EPHB1: variants seen among roughly 807,000 people sequenced by gnomAD.
The protein encoded by EPHB1 is ephrin type-B receptor 1.
Under a neutral mutation model 94.4 loss-of-function variants are expected in EPHB1, and 30 were observed. That is an observed-to-expected ratio of 0.32 (90% confidence interval 0.24 to 0.43). The LOEUF (loss-of-function observed/expected upper bound fraction) is 0.43. Ranked by LOEUF, EPHB1 falls within the 20% of genes least tolerant of loss-of-function variation. EPHB1 has a pLI of 1.00. For missense variants in EPHB1, 1,055 were observed against 1,308.3 expected (o/e 0.81, Z 2.99); for synonymous variants, 522 against 489.1 (o/e 1.07, Z -0.89).
intron 3 of EPHB1, among the ~76,000 whole-genome samples, chr3:134,955,879 G>A (rs1933249753): frequency 6.6e-6 from 1 of 152,202 alleles, no homozygotes; most frequent in African/African-American, 2.4e-5. Flanking sequence ...TGCTCATAGT[G>A]TAGAGGATTA....
At chr3:135,107,391 T>C (rs1319160762) in intron 4 of EPHB1, among the ~76,000 whole-genome samples, 1 of 151,990 alleles carries the variant, frequency 6.6e-6, no homozygotes, top group Non-Finnish European at 1.5e-5. Flanking sequence ...CAATCACTAC[T>C]GTCCCTGCAC....
intron 12 of EPHB1, among the ~76,000 whole-genome samples, chr3:135,209,642 C>T (rs1452672222): frequency 6.6e-6 from 1 of 152,156 alleles, no homozygotes; most frequent in Non-Finnish European, 1.5e-5. Context: ...GGGCATGATA[C>T]TGGGTATACC....
chr3:135,212,393 T>C (rs1319581711), intron 12 of EPHB1, among the ~76,000 whole-genome samples: 1 of 152,172 alleles, frequency 6.6e-6, no homozygotes, highest in Non-Finnish European at 1.5e-5. Context: ...AACATGAACG[T>C]TATGATGTGG....
At chr3:135,209,551 T>A (rs762148275) in intron 12 of EPHB1, among the ~76,000 whole-genome samples, 2 of 152,206 alleles carry the variant, frequency 1.3e-5, no homozygotes, top group African/African-American at 2.4e-5. Context: ...AGGTACATTC[T>A]ATTGAATGTG....
intron 13 of EPHB1, 100 bp downstream of exon 13, chr3:135,241,397 A>T: frequency 6.9e-7 from 1 of 1,452,532 alleles, no homozygotes; most frequent in Non-Finnish European, 9.5e-7. Context: ...CGGCCTCATA[A>T]TCTGAACCTG....
intron 12 of EPHB1, among the ~76,000 whole-genome samples, chr3:135,237,694 T>C (rs1311128147): frequency 2.0e-5 from 3 of 152,214 alleles, no homozygotes; most frequent in African/African-American, 7.2e-5. Context: ...TCCGTATGAA[T>C]GCAGATTCCT....
At chr3:134,818,108 C>T (rs2036304312) in intron 1 of EPHB1, among the ~76,000 whole-genome samples, 2 of 152,206 alleles carry the variant, frequency 1.3e-5, no homozygotes. Context: ...GAAGGCATGT[C>T]CAGGTACTGG....
intron 12 of EPHB1, among the ~76,000 whole-genome samples, chr3:135,228,717 G>C (rs1943460842): frequency 1.3e-5 from 2 of 152,048 alleles, no homozygotes; most frequent in South Asian, 4.2e-4. Context: ...AGCTCACTGA[G>C]AGTCGGGCAG....
intron 12 of EPHB1, among the ~76,000 whole-genome samples, chr3:135,212,193 T>G (rs1261223396): frequency 2.0e-5 from 3 of 152,222 alleles, no homozygotes; most frequent in Non-Finnish European, 4.4e-5. Context: ...TCTCAGCTGA[T>G]ATTTTATCTT....
At chr3:135,100,165 A>G (rs1576383737) in intron 3 of EPHB1, among the ~76,000 whole-genome samples, 1 of 152,172 alleles carries the variant, frequency 6.6e-6, no homozygotes, top group African/African-American at 2.4e-5. Flanking sequence ...TTTAAAATGC[A>G]AGGAGAGACT....
chr3:135,021,891 T>A (rs925402595), intron 3 of EPHB1, among the ~76,000 whole-genome samples: 1 of 152,266 alleles, frequency 6.6e-6, no homozygotes, highest in Non-Finnish European at 1.5e-5. Context: ...GTTGATCAAC[T>A]GACATGAAAT....
intron 12 of EPHB1, among the ~76,000 whole-genome samples, chr3:135,210,429 C>T (rs1453866075): frequency 6.6e-6 from 1 of 152,054 alleles, no homozygotes; most frequent in Non-Finnish European, 1.5e-5. Context: ...CGTTGGCATA[C>T]AAACAGAAAC....
intron 1 of EPHB1, among the ~76,000 whole-genome samples, chr3:134,891,368 C>A (rs752078311): frequency 6.6e-6 from 1 of 152,186 alleles, no homozygotes; most frequent in Non-Finnish European, 1.5e-5. Flanking sequence ...CCTTGGCCTC[C>A]CAAAGTGCTG....
Position 135,238,292 on chromosome 3 carries a change from C to T in EPHB1, c.2347-2856C>T, listed in dbSNP as rs113494691. On this transcript the variant is annotated intron_variant, in intron 12 of 15. Transcript: ENST00000398015. ...GAGCAGGAGAGCCTGCCATGACAAG[C>T]TGTCACCTGCCTGTCCAGGGGCTCT... Among the ~76,000 whole-genome samples the T allele has an allele frequency of 2.0e-5, 3 of 152,328 alleles. 1 individual carries two copies. The highest frequency in any genetic ancestry group is 7.2e-5 in the African/African-American group (3 of 41,578).
chr3:135,259,818 A>G lies in EPHB1; in HGVS notation c.*698A>G, dbSNP rs980982840. 4.5e-6 allele frequency: 1 copy of G among 221,110 alleles called. No homozygotes were observed. Among genetic ancestry groups the G allele is most frequent in the African/African-American group, 2.2e-5 (1 of 44,656 alleles). 13.7% of individuals were successfully genotyped at this position (221,110 alleles called of 1,614,324 possible). ...AAGAAACCACAAATTGGGGAAAAAA[A>G]AAGAAGAAAAACCTGTTTCCGTGTG... On this transcript the variant is annotated 3_prime_UTR_variant, in exon 16 of 16. Coordinates refer to ENST00000398015, the MANE Select transcript of EPHB1 (RefSeq NM_004441.5).
intron 1 of EPHB1, among the ~76,000 whole-genome samples, chr3:134,884,073 G>A (rs754435924): frequency 2.6e-5 from 4 of 152,210 alleles, no homozygotes; most frequent in Non-Finnish European, 5.9e-5. Context: ...AGAGCTGTGT[G>A]CCCTGCCCCA....
chr3:135,192,523 G>T, intron 10 of EPHB1, 53 bp from the exon 11 acceptor site: 1 of 1,590,638 alleles, frequency 6.3e-7, no homozygotes, highest in South Asian at 1.1e-5. Flanking sequence ...CTTCCCTCTT[G>T]AGTCCACAGA....
chr3:134,907,506 T>C (rs933571352), intron 1 of EPHB1, among the ~76,000 whole-genome samples: 1 of 152,240 alleles, frequency 6.6e-6, no homozygotes, highest in Non-Finnish European at 1.5e-5. Context: ...CGTGTCATTT[T>C]GCTGAGATGC....
intron 5 of EPHB1, among the ~76,000 whole-genome samples, chr3:135,142,940 C>T (rs1228677849): frequency 6.6e-6 from 1 of 151,968 alleles, no homozygotes; most frequent in Non-Finnish European, 1.5e-5. Flanking sequence ...CAGGAGATGG[C>T]GAGTGATGGT....
Sources: allele counts gnomAD v4.1 joint callset (sites outside exome capture counted in the v4.1 genomes callset), GRCh38; gene constraint gnomAD v4.1.1; transcripts MANE v1.5; gene names NCBI Gene and HGNC (gene_info 2026-07-23, HGNC 2026-07-21).